ATP6V1G3: variants seen among roughly 807,000 people sequenced by gnomAD.
The protein encoded by ATP6V1G3 is V-type proton ATPase subunit G 3.
Under a neutral mutation model 9.3 loss-of-function variants are expected in ATP6V1G3, and 9 were observed. That is an observed-to-expected ratio of 0.97 (90% CI 0.59 to 1.69). The LOEUF (loss-of-function observed/expected upper bound fraction) is 1.69. ATP6V1G3 is among the 40% of genes most tolerant of loss of function. The pLI, the probability that ATP6V1G3 is intolerant of heterozygous loss-of-function variation, is 0.00. For missense variants in ATP6V1G3, 133 were observed against 139.0 expected (o/e 0.96, Z 0.22); for synonymous variants, 43 against 43.8 (o/e 0.98, Z 0.07).
intron 2 of ATP6V1G3, among the ~76,000 whole-genome samples, chr1:198,526,864 T>A (rs530469110): frequency 1.3e-5 from 2 of 152,310 alleles, no homozygotes; most frequent in African/African-American, 4.8e-5. Context: ...GACTTTTACT[T>A]GTATTAACAA....
intron 1 of ATP6V1G3, among the ~76,000 whole-genome samples, chr1:198,533,087 T>C (rs1388395826): frequency 6.6e-6 from 1 of 151,842 alleles, no homozygotes; most frequent in East Asian, 1.9e-4. Context: ...AGGTGGATCA[T>C]GAGGTCAAGA....
chr1:198,535,010 G>T (rs1660049966), intron 1 of ATP6V1G3, among the ~76,000 whole-genome samples: 1 of 152,114 alleles, frequency 6.6e-6, no homozygotes, highest in East Asian at 1.9e-4. Flanking sequence ...TCAGATCTCT[G>T]CTTCCTGAAT....
In ATP6V1G3 at chr1:198,523,516, G is replaced by C. The variant is rs1266446644; in HGVS notation, c.232C>G (p.Leu78Val). Reference protein sequence around the residue: ...NLSDEIEEQTLGKIQELNGHY... With the variant: ...NLSDEIEEQTVGKIQELNGHY... ...CCATTAAGTTCTTGTATCTTCCCTA[G>C]TGTTTGTTCTTCTATTTCATCTGAG... Residue 78 changes from leucine to valine, a missense_variant, in exon 3 of 3, where the codon CTA becomes GTA. Physicochemically the swap from Leu to Val is conservative, Grantham distance 32. Transcript: ENST00000367382. The C allele has an allele frequency of 6.2e-7, 1 of 1,613,246 alleles. No individual in the cohort carries two copies. Among genetic ancestry groups the C allele is most frequent in the Non-Finnish European group, 8.5e-7 (1 of 1,179,712 alleles).
intron 2 of ATP6V1G3, among the ~76,000 whole-genome samples, chr1:198,526,350 A>G (rs1659650831): frequency 1.3e-5 from 2 of 152,200 alleles, no homozygotes; most frequent in African/African-American, 4.8e-5. Flanking sequence ...TAGATGCTCA[A>G]TACACATTTG....
intron 1 of ATP6V1G3, among the ~76,000 whole-genome samples, chr1:198,531,258 C>T (rs1417267011): frequency 6.6e-6 from 1 of 152,142 alleles, no homozygotes; most frequent in Non-Finnish European, 1.5e-5. Context: ...ATATGCTCCA[C>T]CTGATTTAAT....
intron 2 of ATP6V1G3, among the ~76,000 whole-genome samples, chr1:198,527,929 GA>G (rs1429027715): frequency 6.6e-6 from 1 of 152,106 alleles, no homozygotes; most frequent in African/African-American, 2.4e-5. Context: ...AGAGATCAAA[GA>G]AAGATGAATA....
upstream of ATP6V1G3, chr1:198,540,755 A>C (rs550562640): frequency 8.8e-4 from 1,054 of 1,199,002 alleles, 2 homozygotes; most frequent in Non-Finnish European, 1.3e-3. Flanking sequence ...GTCAACAGCA[A>C]GTTCCAAATG....
intron 2 of ATP6V1G3, among the ~76,000 whole-genome samples, chr1:198,526,130 G>T (rs1436215545): frequency 2.0e-5 from 3 of 152,054 alleles, no homozygotes; most frequent in South Asian, 4.1e-4. Flanking sequence ...TTGAGTTTCT[G>T]CAGTGTTTCC....
intron 1 of ATP6V1G3, among the ~76,000 whole-genome samples, chr1:198,532,183 G>A (rs923305293): frequency 6.6e-6 from 1 of 152,146 alleles, no homozygotes; most frequent in African/African-American, 2.4e-5. Flanking sequence ...GCTAGTTATA[G>A]CAATGGGATT....
At chr1:198,539,338 T>G (rs1192338456) in intron 1 of ATP6V1G3, among the ~76,000 whole-genome samples, 2 of 152,216 alleles carry the variant, frequency 1.3e-5, no homozygotes, top group Non-Finnish European at 2.9e-5. Context: ...ATCACTACAT[T>G]CATCCAAAGA....
In ATP6V1G3 at chr1:198,523,359, C is replaced by A. The variant is rs767559300; in HGVS notation, c.*32G>T. Reference sequence around the variant, plus strand: ...TAAGCAACCAGGTGGCACTCACACACCTTTTTTTTTCTTGAAAACTGTGAT... The same window carrying A: ...TAAGCAACCAGGTGGCACTCACACAACTTTTTTTTTCTTGAAAACTGTGAT... On this transcript the variant is annotated 3_prime_UTR_variant, in exon 3 of 3. Transcript: ENST00000367382. The A allele has an allele frequency of 9.4e-6, 15 of 1,595,970 alleles. No homozygotes were observed. The highest frequency in any genetic ancestry group is 4.5e-5 in the East Asian group (2 of 44,554).
intron 1 of ATP6V1G3, among the ~76,000 whole-genome samples, chr1:198,539,139 T>C (rs1283730712): frequency 6.6e-6 from 1 of 152,204 alleles, no homozygotes; most frequent in Non-Finnish European, 1.5e-5. Context: ...GAGTCATTCC[T>C]TTTATGTTGT....
intron 1 of ATP6V1G3, among the ~76,000 whole-genome samples, chr1:198,539,094 T>A (rs998473478): frequency 1.3e-5 from 2 of 152,300 alleles, no homozygotes; most frequent in African/African-American, 4.8e-5. Flanking sequence ...TTCACTATCT[T>A]TCTTCTTCCT....
At position 198,529,065 on chromosome 1, in the gene ATP6V1G3, T is replaced by C. The variant is rs1196677642; in HGVS notation, c.183+16A>G. 1.6e-6 allele frequency: 2 copies of C among 1,276,740 alleles called. No individual in the cohort carries two copies. The highest frequency in any genetic ancestry group is 1.3e-5 in the South Asian group (1 of 79,682). 79.1% of individuals were successfully genotyped at this position (1,276,740 alleles called of 1,614,324 possible). ...ATCTATTCTGCATAAGAAACAGTGC[T>C]GACTTTCTTACTCACCTTAGATTGT... On this transcript the variant is annotated intron_variant, in intron 2 of 2. Coordinates refer to ENST00000367382, the MANE Select transcript of ATP6V1G3 (RefSeq NM_001376861.1).
intron 1 of ATP6V1G3, among the ~76,000 whole-genome samples, chr1:198,533,131 C>T (rs1050895441): frequency 2.8e-4 from 43 of 151,836 alleles, no homozygotes; most frequent in African/African-American, 6.3e-4. Context: ...TGGTGAAACC[C>T]GGTCTCTACT....
chr1:198,533,948 G>T lies in ATP6V1G3; in HGVS notation c.83-4767C>A, dbSNP rs182350878. Among the ~76,000 whole-genome samples the T allele has an allele frequency of 1.4e-3, 218 of 152,324 alleles. 2 individuals carry two copies. The highest frequency in any genetic ancestry group is 5.1e-3 in the African/African-American group (212 of 41,578). Reference sequence around the variant, plus strand: ...CTGGGCAAGAGGAACTATTGGTGGAGTTATAGGAAGAAGTGTTCAATAGAA... The same window carrying T: ...CTGGGCAAGAGGAACTATTGGTGGATTTATAGGAAGAAGTGTTCAATAGAA... On this transcript the variant is annotated intron_variant, in intron 1 of 2. Transcript: ENST00000367382.
intron 1 of ATP6V1G3, among the ~76,000 whole-genome samples, chr1:198,535,322 T>A (rs1159345571): frequency 6.6e-6 from 1 of 152,176 alleles, no homozygotes; most frequent in Non-Finnish European, 1.5e-5. Flanking sequence ...CTTGTCTTTA[T>A]GAACAAAAAC....
intron 2 of ATP6V1G3, among the ~76,000 whole-genome samples, chr1:198,525,264 T>G (rs1416686392): frequency 6.6e-6 from 1 of 152,176 alleles, no homozygotes; most frequent in Non-Finnish European, 1.5e-5. Flanking sequence ...AAAATAATTC[T>G]CTAAATTCAG....
rs560873339 is a variant in ATP6V1G3 at position 198,523,654 on chromosome 1, A to G, written c.184-90T>C. On this transcript the variant is annotated intron_variant, in intron 2 of 2. Transcript: ENST00000367382. ...TAGCCTGTTTACTGATGATTGTCCTACAATGCACAATTATGTACTCCTTTT... is the reference window on the plus strand; with the variant it reads ...TAGCCTGTTTACTGATGATTGTCCTGCAATGCACAATTATGTACTCCTTTT... 7.0e-5 allele frequency: 84 copies of G among 1,208,442 alleles called. No homozygotes were observed. The East Asian group carries it at 1.6e-3, about 23-fold the overall frequency. 74.9% of individuals were successfully genotyped at this position (1,208,442 alleles called of 1,614,324 possible).
Sources: gnomAD v4.1 joint callset for allele counts (sites outside exome capture counted in the v4.1 genomes callset) on GRCh38, gnomAD v4.1.1 for gene constraint, MANE v1.5 for transcripts, NCBI Gene and HGNC (gene_info 2026-07-23, HGNC 2026-07-21) for gene names.